The following TLR2 variants were observed in gnomAD, a reference collection of about 807,000 sequenced individuals.
The protein encoded by TLR2 is toll-like receptor 2.
A neutral mutation model predicts 9.1 loss-of-function variants in TLR2; 7 were observed. That is an observed-to-expected ratio of 0.77 (90% CI 0.44 to 1.44). The LOEUF is 1.44. Ranked by LOEUF, TLR2 falls within the 40% of genes most tolerant of loss-of-function variation. The pLI is 0.01. For missense variants in TLR2, 812 were observed against 904.6 expected, an observed-to-expected ratio of 0.90 and a Z score of 1.31; for synonymous variants, 317 against 344.6, an observed-to-expected ratio of 0.92 and a Z score of 0.89.
Position 153,691,122 on chromosome 4 carries a change from T to G in TLR2, c.-17+3075T>G, listed in dbSNP as rs922158483. On this transcript the variant is annotated intron_variant, in intron 2 of 2. Transcript: ENST00000642700. The stretch of plus-strand genomic sequence containing the variant: ...GCGTGTGAAAAACTTTACCTTTTGA[T>G]CCAGAATAAGAGGCTTTACCATTAC... Among the ~76,000 whole-genome samples the G allele has an allele frequency of 2.6e-5, 4 of 152,208 alleles. No individual in the cohort carries two copies. The East Asian group carries it at 7.7e-4, about 29-fold the overall frequency.
chr4:153,694,085 G>A (rs10222800), intron 2 of TLR2, among the ~76,000 whole-genome samples: 44,453 of 152,166 alleles, frequency 0.29, 7,102 homozygotes, highest in Non-Finnish European at 0.37. Context: ...ACAGCAAGCC[G>A]GTGATAAGCA....
intron 2 of TLR2, among the ~76,000 whole-genome samples, chr4:153,688,892 T>C (rs1735905666): frequency 6.6e-6 from 1 of 152,206 alleles, no homozygotes; most frequent in Non-Finnish European, 1.5e-5. Flanking sequence ...CTTTTTTGTT[T>C]TGCAAAGCAA....
At chr4:153,695,262 G>A (rs1736411307) in intron 2 of TLR2, among the ~76,000 whole-genome samples, 1 of 152,186 alleles carries the variant, frequency 6.6e-6, no homozygotes, top group African/African-American at 2.4e-5. Context: ...GTTCTCCATA[G>A]TGGTTGTACT....
In TLR2 at chr4:153,702,983, G is replaced by C. The variant is rs200699224; in HGVS notation, c.76G>C (p.Ala26Pro). Reference protein sequence around the residue: ...SLSKEESSNQASLSCDRNGIC... With the variant: ...SLSKEESSNQPSLSCDRNGIC... ...CTCCAAGGAAGAATCCTCCAATCAG[G>C]CTTCTCTGTCTTGTGACCGCAATGG... The change falls in exon 3 of 3, where the codon GCT becomes CCT. Residue 26 changes from alanine to proline, a missense_variant. By Grantham distance (27) the Ala-to-Pro change is conservative (BLOSUM62 -1). Coordinates refer to ENST00000642700, the MANE Select transcript of TLR2 (RefSeq NM_001318789.2). 14 of 1,614,004 alleles carry C rather than the reference G, an allele frequency of 8.7e-6. No homozygotes were observed. In the Admixed American group the frequency reaches 1.7e-4, roughly 19 times the overall value.
chr4:153,705,400 A>C lies in TLR2; in HGVS notation c.*138A>C. The C allele has an allele frequency of 9.8e-7, 1 of 1,020,150 alleles. No individual in the cohort carries two copies. Among genetic ancestry groups the C allele is most frequent in the Non-Finnish European group, 1.3e-6 (1 of 740,760 alleles). The allele number at this position is 1,020,150 out of a possible 1,614,324, so 63.2% of individuals were successfully genotyped here. ...AGGACTTGCTTACTAAAACTACAAAACTTCAAATTTTGTCTGGGGTGCTGT... is the reference window on the plus strand; with the variant it reads ...AGGACTTGCTTACTAAAACTACAAACCTTCAAATTTTGTCTGGGGTGCTGT... On this transcript the variant is annotated 3_prime_UTR_variant, in exon 3 of 3. Coordinates refer to ENST00000642700, the MANE Select transcript of TLR2 (RefSeq NM_001318789.2).
At chr4:153,698,257 A>G (rs1736642573) in intron 2 of TLR2, among the ~76,000 whole-genome samples, 1 of 152,214 alleles carries the variant, frequency 6.6e-6, no homozygotes, top group Non-Finnish European at 1.5e-5. Context: ...ATGAAGCAGA[A>G]TAAGAATTAA....
rs1737219857 is a variant in TLR2 at position 153,704,832 on chromosome 4, A to G, written c.1925A>G (p.Asp642Gly). The change falls in exon 3 of 3, where the codon GAT becomes GGT. Residue 642 changes from aspartate to glycine, a missense_variant. Asp to Gly is a moderately conservative substitution (Grantham distance 94). Transcript: ENST00000642700. Reference sequence around the variant, plus strand: ...GCTCCCAGCAGGAACATCTGCTATGATGCATTTGTTTCTTACAGTGAGCGG... The same window carrying G: ...GCTCCCAGCAGGAACATCTGCTATGGTGCATTTGTTTCTTACAGTGAGCGG... ...RKAPSRNICYDAFVSYSERDA... is the reference protein window; with the variant it reads ...RKAPSRNICYGAFVSYSERDA... The G allele has an allele frequency of 1.2e-6, 2 of 1,613,900 alleles. No homozygotes were observed. The highest frequency in any genetic ancestry group is 2.7e-5 in the African/African-American group (2 of 74,864).
At chr4:153,706,343 G>T (rs187679827), downstream of TLR2, among the ~76,000 whole-genome samples, 292 of 152,272 alleles carry the variant, frequency 1.9e-3, 1 homozygote, top group African/African-American at 5.8e-3. Context: ...CTGACTCTCA[G>T]TTCCTGTTTT....
chr4:153,702,691 A>G (rs1247766881), intron 2 of TLR2: 9 of 555,956 alleles, frequency 1.6e-5, no homozygotes, highest in Non-Finnish European at 2.5e-5. Flanking sequence ...GCATTGCTGA[A>G]TGTATCAGGG....
chr4:153,704,395 C>A lies in TLR2; in HGVS notation c.1488C>A (p.Ser496=). Residue 496 remains serine, a synonymous_variant, in exon 3 of 3, where the codon TCC becomes TCA. Transcript: ENST00000642700. ...AGTTGATGACTCTACCAGATGCCTC[C>A]CTCTTACCCATGTTACTAGTATTGA... ...RNKLMTLPDA[S]LLPMLLVLKI... 1 of 1,614,044 alleles carries A rather than the reference C, an allele frequency of 6.2e-7. No individual in the cohort carries two copies. Among genetic ancestry groups the A allele is most frequent in the Non-Finnish European group, 8.5e-7 (1 of 1,180,018 alleles).
At position 153,703,020 on chromosome 4, in the gene TLR2, G is replaced by T. The variant is rs770640118; in HGVS notation, c.113G>T (p.Gly38Val). Residue 38 changes from glycine (G) to valine (V), a missense_variant, in exon 3 of 3, where the codon GGC (glycine) becomes GTC (valine). Physicochemically the swap from Gly to Val is moderately radical, Grantham distance 109. Transcript: ENST00000642700. ...TGTGACCGCAATGGTATCTGCAAGGGCAGCTCAGGATCTTTAAACTCCATT... is the reference window on the plus strand; with the variant it reads ...TGTGACCGCAATGGTATCTGCAAGGTCAGCTCAGGATCTTTAAACTCCATT... ...LSCDRNGICK[G>V]SSGSLNSIPS... is the part of the protein sequence containing the mutation. 1 of 1,613,968 alleles carries T rather than the reference G, an allele frequency of 6.2e-7. No individual in the cohort carries two copies. The highest frequency in any genetic ancestry group is 8.5e-7 in the Non-Finnish European group (1 of 1,180,002).
At chr4:153,684,743 G>A (rs56000463) in intron 1 of TLR2, among the ~76,000 whole-genome samples, 11 of 151,680 alleles carry the variant, frequency 7.3e-5, no homozygotes, top group Admixed American at 7.2e-4. Context: ...GCAGGCCCCG[G>A]GGGGGTTGCC....
chr4:153,695,514 A>G (rs1242332529), intron 2 of TLR2, among the ~76,000 whole-genome samples: 3 of 152,176 alleles, frequency 2.0e-5, no homozygotes, highest in Non-Finnish European at 4.4e-5. Context: ...CCATTTAAAA[A>G]ATTGGATTAT....
intron 2 of TLR2, chr4:153,688,310 G>A (rs1366151593): frequency 6.6e-6 from 1 of 152,340 alleles, no homozygotes; most frequent in Non-Finnish European, 1.5e-5. Context: ...CCAAGAACCT[G>A]TGCTTTTCTA....
In TLR2 at chr4:153,704,655, C is replaced by T. The variant is rs369920228; in HGVS notation, c.1748C>T (p.Ser583Leu). Residue 583 changes from serine (S) to leucine (L), a missense_variant, in exon 3 of 3, where the codon TCG becomes TTG. Transcript: ENST00000642700. ...QQVQDVRLSVSECHRTALVSG... is the reference protein window; with the variant it reads ...QQVQDVRLSVLECHRTALVSG... Reference sequence around the variant, plus strand: ...GTTCAGGATGTCCGCCTCTCGGTGTCGGAATGTCACAGGACAGCACTGGTG... The same window carrying T: ...GTTCAGGATGTCCGCCTCTCGGTGTTGGAATGTCACAGGACAGCACTGGTG... 7.1e-5 allele frequency: 115 copies of T among 1,612,442 alleles called. No individual in the cohort carries two copies. The highest frequency in any genetic ancestry group is 1.7e-4 in the African/African-American group (13 of 74,598).
chr4:153,694,200 ACGT>A (rs1219076893), intron 2 of TLR2, among the ~76,000 whole-genome samples: 10 of 152,270 alleles, frequency 6.6e-5, no homozygotes, highest in Non-Finnish European at 5.9e-5. Context: ...CAGCAGGAAC[ACGT>A]CCTTAAGGCA....
At chr4:153,690,550 G>A (rs6811309) in intron 2 of TLR2, among the ~76,000 whole-genome samples, 36,876 of 152,146 alleles carry the variant, frequency 0.24, 5,340 homozygotes, top group Non-Finnish European at 0.33. Flanking sequence ...GTGAGAAAAG[G>A]TGTCCACACA....
In TLR2 at chr4:153,703,246, T is replaced by G. The variant is rs1333238882; in HGVS notation, c.339T>G (p.Ser113=). The G allele has an allele frequency of 6.2e-7, 1 of 1,613,782 alleles. No individual in the cohort carries two copies. The highest frequency in any genetic ancestry group is 1.1e-5 in the South Asian group (1 of 90,970). The change falls in exon 3 of 3, where the codon TCT becomes TCG. Residue 113 remains serine (S), a synonymous_variant. Coordinates refer to ENST00000642700, the MANE Select transcript of TLR2 (RefSeq NM_001318789.2). Reference sequence around the variant, plus strand: ...TAGACTTATCCTATAATTACTTATCTAATTTATCGTCTTCCTGGTTCAAGC... The same window carrying G: ...TAGACTTATCCTATAATTACTTATCGAATTTATCGTCTTCCTGGTTCAAGC... ...EHLDLSYNYL[S]NLSSSWFKPL...
At chr4:153,696,183 T>C (rs1736483598) in intron 2 of TLR2, among the ~76,000 whole-genome samples, 1 of 152,124 alleles carries the variant, frequency 6.6e-6, no homozygotes, top group Non-Finnish European at 1.5e-5. Context: ...ATGTAAATTT[T>C]AGGATTATAT....
Sources: gnomAD v4.1 joint callset for allele counts (sites outside exome capture counted in the v4.1 genomes callset) on GRCh38, gnomAD v4.1.1 for gene constraint, MANE v1.5 for transcripts, NCBI Gene and HGNC (gene_info 2026-07-23, HGNC 2026-07-21) for gene names.